The following HNRNPC variants were observed in gnomAD, a reference collection of about 807,000 sequenced individuals.
HNRNPC encodes the protein heterogeneous nuclear ribonucleoproteins C1/C2.
A neutral mutation model predicts 33.2 loss-of-function variants in HNRNPC; 3 were observed. That is an observed-to-expected ratio of 0.09 (90% CI 0.04 to 0.23). The LOEUF is 0.23. Among genes scored for constraint, HNRNPC ranks in the 10% least tolerant of loss-of-function variants. HNRNPC has a pLI of 1.00. For missense variants in HNRNPC, 143 were observed against 366.7 expected (o/e 0.39, Z 4.98); for synonymous variants, 121 against 126.7 (o/e 0.96, Z 0.30).
intron 5 of HNRNPC, among the ~76,000 whole-genome samples, chr14:21,217,462 T>A (rs144824229): frequency 6.6e-6 from 1 of 152,292 alleles, no homozygotes; most frequent in East Asian, 1.9e-4. Flanking sequence ...ATTCACCACA[T>A]GGGGAAACTC....
intron 4 of HNRNPC, chr14:21,230,719 C>T (rs530443458): frequency 2.0e-6 from 1 of 492,294 alleles, no homozygotes; most frequent in Non-Finnish European, 3.6e-6. Context: ...ATAAGTATTT[C>T]AGGTTATGCT....
intron 2 of HNRNPC, among the ~76,000 whole-genome samples, chr14:21,253,710 C>T (rs1896910425): frequency 6.6e-6 from 1 of 152,074 alleles, no homozygotes; most frequent in Non-Finnish European, 1.5e-5. Context: ...GTATTAGTGG[C>T]CGCTAACACT....
At chr14:21,216,503 A>G (rs774500437) in intron 5 of HNRNPC, among the ~76,000 whole-genome samples, 2 of 152,144 alleles carry the variant, frequency 1.3e-5, no homozygotes, top group African/African-American at 4.8e-5. Flanking sequence ...AGGCCAGGAC[A>G]TGGAGACGGG....
At chr14:21,230,614 T>TA (rs1594243938) in intron 4 of HNRNPC, 1 of 526,480 alleles carries the variant, frequency 1.9e-6, no homozygotes, top group East Asian at 3.2e-5. Flanking sequence ...ATAGCTAAAC[T>TA]AAACACTGAA....
At chr14:21,223,222 C>A (rs1376449290) in intron 5 of HNRNPC, among the ~76,000 whole-genome samples, 2 of 151,886 alleles carry the variant, frequency 1.3e-5, no homozygotes, top group African/African-American at 2.4e-5. Flanking sequence ...AAAAGCAACA[C>A]CAAGGAGGCT....
chr14:21,224,298 TTC>T (rs1893170082), intron 5 of HNRNPC, among the ~76,000 whole-genome samples: 1 of 152,146 alleles, frequency 6.6e-6, no homozygotes, highest in African/African-American at 2.4e-5. Context: ...GGTTTGACAG[TTC>T]TGTCTTGAAT....
intron 2 of HNRNPC, among the ~76,000 whole-genome samples, chr14:21,262,191 A>C (rs1034521209): frequency 3.3e-5 from 5 of 152,232 alleles, no homozygotes; most frequent in Non-Finnish European, 5.9e-5. Context: ...CTCTTGTGAA[A>C]TATTAATGAG....
At chr14:21,226,066 C>T (rs1482580758) in intron 5 of HNRNPC, among the ~76,000 whole-genome samples, 1 of 151,698 alleles carries the variant, frequency 6.6e-6, no homozygotes, top group African/African-American at 2.4e-5. Flanking sequence ...ACCTGTAATC[C>T]CAGCACTTTG....
intron 1 of HNRNPC, among the ~76,000 whole-genome samples, chr14:21,267,052 C>T (rs1406200856): frequency 7.3e-6 from 1 of 137,036 alleles, no homozygotes; most frequent in Non-Finnish European, 1.5e-5. Context: ...GATTGTGCCA[C>T]GACATGCACT....
chr14:21,238,370 T>C (rs938782089), intron 2 of HNRNPC, among the ~76,000 whole-genome samples: 10 of 152,172 alleles, frequency 6.6e-5, no homozygotes, highest in Admixed American at 6.5e-4. Flanking sequence ...TACATAAAAA[T>C]CATTTAAGAA....
chr14:21,235,905 C>A (rs1270281041), intron 2 of HNRNPC, among the ~76,000 whole-genome samples: 1 of 152,008 alleles, frequency 6.6e-6, no homozygotes, highest in Admixed American at 6.6e-5. Flanking sequence ...AGAATACTGA[C>A]CATAAGGGAA....
intron 2 of HNRNPC, among the ~76,000 whole-genome samples, chr14:21,237,705 C>T (rs1304080116): frequency 6.6e-6 from 1 of 152,160 alleles, no homozygotes; most frequent in Non-Finnish European, 1.5e-5. Context: ...TTTCATGTAA[C>T]AGGTTGCCAG....
At chr14:21,253,973 CA>C (rs1896954061) in intron 2 of HNRNPC, among the ~76,000 whole-genome samples, 1 of 149,140 alleles carries the variant, frequency 6.7e-6, no homozygotes, top group African/African-American at 2.5e-5. Context: ...GAGGCTGAGG[CA>C]GGAGAATGGC....
intron 5 of HNRNPC, among the ~76,000 whole-genome samples, chr14:21,221,546 C>CTT (rs1490452271): frequency 6.6e-6 from 1 of 152,172 alleles, no homozygotes; most frequent in African/African-American, 2.4e-5. Context: ...CTTAAAAACT[C>CTT]TACAAAACGA....
chr14:21,226,633 G>GA (rs1338659259), intron 5 of HNRNPC, among the ~76,000 whole-genome samples: 1 of 152,074 alleles, frequency 6.6e-6, no homozygotes, highest in Non-Finnish European at 1.5e-5. Flanking sequence ...AAGGCAGGGA[G>GA]ATCCCTTGAG....
intron 5 of HNRNPC, among the ~76,000 whole-genome samples, chr14:21,224,967 G>A (rs1044832552): frequency 6.6e-6 from 1 of 152,134 alleles, no homozygotes; most frequent in Non-Finnish European, 1.5e-5. Context: ...CATACAAAAT[G>A]TGCTAAGTTT....
In HNRNPC at chr14:21,209,424, ACTCT is replaced by A. The variant is rs1203991315; in HGVS notation, c.*1795_*1798del. 6 of 152,024 alleles carry A rather than the reference ACTCT, an allele frequency of 3.9e-5. 1 individual carries two copies. The highest frequency in any genetic ancestry group is 2.0e-4 in the Admixed American group (3 of 15,260). 9.4% of individuals were successfully genotyped at this position (152,024 alleles called of 1,614,324 possible). ...TTTATTAGCATCTTATACATCTGAC[ACTCT>A]CTCCTAAGCATCCAGTTTATTTTCT... is the stretch of plus-strand genomic sequence containing the variant. On this transcript the variant is annotated 3_prime_UTR_variant, in exon 9 of 9. Coordinates refer to ENST00000553300, the MANE Select transcript of HNRNPC (RefSeq NM_004500.4).
At chr14:21,268,062 T>C (rs1325163652) in intron 1 of HNRNPC, among the ~76,000 whole-genome samples, 3 of 152,188 alleles carry the variant, frequency 2.0e-5, no homozygotes, top group Non-Finnish European at 4.4e-5. Flanking sequence ...TTAACAGCTT[T>C]AGTTTTTGTG....
intron 5 of HNRNPC, among the ~76,000 whole-genome samples, chr14:21,225,149 G>A (rs573728260): frequency 1.3e-5 from 2 of 151,914 alleles, no homozygotes; most frequent in African/African-American, 2.4e-5. Context: ...GGCCAGGAAC[G>A]ATGGCTCACA....
Sources: gnomAD v4.1 joint callset for allele counts (sites outside exome capture counted in the v4.1 genomes callset) on GRCh38, gnomAD v4.1.1 for gene constraint, MANE v1.5 for transcripts, NCBI Gene and HGNC (gene_info 2026-07-23, HGNC 2026-07-21) for gene names.